The following BAALC variants were observed in gnomAD, a reference collection of about 807,000 sequenced individuals.
The protein encoded by BAALC is brain and acute leukemia cytoplasmic protein.
Under a neutral mutation model 15.5 loss-of-function variants are expected in BAALC, and 9 were observed. That is an observed-to-expected ratio of 0.58 (90% CI 0.35 to 1.02). BAALC has a LOEUF of 1.02. Ranked by LOEUF, BAALC falls within the 50% of genes least tolerant of loss-of-function variation. The probability of loss-of-function intolerance (pLI) is 0.02; values close to 1 mark genes in which losing one functional copy is unlikely to be tolerated. For missense variants in BAALC, 201 were observed against 192.4 expected (o/e 1.04, Z -0.27); for synonymous variants, 80 against 74.6 (o/e 1.07, Z -0.37).
At chr8:103,159,101 A>C (rs760264451) in intron 1 of BAALC, among the ~76,000 whole-genome samples, 30 of 152,208 alleles carry the variant, frequency 2.0e-4, no homozygotes, top group Non-Finnish European at 3.2e-4. Flanking sequence ...CTGTAAACTG[A>C]TAGAACAATA....
intron 1 of BAALC, among the ~76,000 whole-genome samples, chr8:103,189,042 G>T (rs753143123): frequency 1.3e-5 from 2 of 152,182 alleles, no homozygotes; most frequent in African/African-American, 4.8e-5. Flanking sequence ...AGGAAACAAG[G>T]ATAGTAGTGA....
intron 1 of BAALC, among the ~76,000 whole-genome samples, chr8:103,188,647 C>T (rs1052665064): frequency 7.2e-5 from 11 of 152,142 alleles, no homozygotes; most frequent in African/African-American, 2.2e-4. Flanking sequence ...AGGAATTCTG[C>T]GAGATAAAAT....
chr8:103,171,397 G>GAAAGGAGGAAGGAAGA (rs764947929), intron 1 of BAALC, among the ~76,000 whole-genome samples: 6 of 133,014 alleles, frequency 4.5e-5, no homozygotes, highest in Admixed American at 3.8e-4. Context: ...AGGAAGGAAG[G>GAAAGGAGGAAGGAAGA]AAGGAAAGAA....
At chr8:103,221,811 ACT>A (rs1322168383) in intron 2 of BAALC, among the ~76,000 whole-genome samples, 1 of 152,106 alleles carries the variant, frequency 6.6e-6, no homozygotes, top group Non-Finnish European at 1.5e-5. Context: ...AAAGAGTCAA[ACT>A]CTACAATATT....
At chr8:103,157,321 A>G (rs1243137375) in intron 1 of BAALC, among the ~76,000 whole-genome samples, 1 of 152,082 alleles carries the variant, frequency 6.6e-6, no homozygotes, top group African/African-American at 2.4e-5. Flanking sequence ...CAAGCTATAT[A>G]TATATATATT....
At chr8:103,210,884 G>A (rs1294566377) in intron 1 of BAALC, among the ~76,000 whole-genome samples, 1 of 152,144 alleles carries the variant, frequency 6.6e-6, no homozygotes, top group African/African-American at 2.4e-5. Context: ...ACTTGTAGAG[G>A]TAAATTTGAA....
chr8:103,216,931 GCATGCCCC>G (rs1199520289), intron 2 of BAALC, among the ~76,000 whole-genome samples: 1 of 152,172 alleles, frequency 6.6e-6, no homozygotes, highest in Non-Finnish European at 1.5e-5. Context: ...GCTAGGGAAA[GCATGCCCC>G]CATGCCGCAC....
chr8:103,142,319 A>T (rs964607503), intron 1 of BAALC, among the ~76,000 whole-genome samples: 15 of 152,208 alleles, frequency 9.9e-5, no homozygotes, highest in African/African-American at 3.1e-4. Context: ...AAAATTGAGG[A>T]CTGTCTGTGA....
At position 103,230,131 on chromosome 8, in the gene BAALC, C is replaced by G. The variant is rs1464481548; in HGVS notation, c.*2032C>G. On this transcript the variant is annotated 3_prime_UTR_variant, in exon 3 of 3. Transcript: ENST00000309982. ...TGCAGGGCACATGATCTGGCCCTCC[C>G]CAGAACAATCTGGATTTCACGGAGA... 6.6e-6 allele frequency: 1 copy of G among 152,140 alleles called. No individual in the cohort carries two copies. The highest frequency in any genetic ancestry group is 1.5e-5 in the Non-Finnish European group (1 of 68,024). The allele number at this position is 152,140 out of a possible 1,614,324, so 9.4% of individuals were successfully genotyped here. A position where few individuals can be genotyped will look rare whatever the true frequency, so the allele number is the denominator to read the frequency against.
intron 1 of BAALC, among the ~76,000 whole-genome samples, chr8:103,151,536 A>G (rs1810989413): frequency 1.3e-5 from 2 of 152,086 alleles, no homozygotes. Flanking sequence ...GCCAATCTCA[A>G]ACCTTGGGTC....
At chr8:103,200,463 C>T (rs1447934705) in intron 1 of BAALC, among the ~76,000 whole-genome samples, 1 of 152,112 alleles carries the variant, frequency 6.6e-6, no homozygotes, top group African/African-American at 2.4e-5. Flanking sequence ...GTACTAAGGT[C>T]AGAAAATGTC....
At chr8:103,227,195 G>GTA (rs1347103025) in intron 2 of BAALC, among the ~76,000 whole-genome samples, 2 of 152,124 alleles carry the variant, frequency 1.3e-5, no homozygotes, top group East Asian at 1.9e-4. Flanking sequence ...GTGTGTGTGT[G>GTA]TATTTGTGAT....
chr8:103,150,087 G>T (rs760829257), intron 1 of BAALC, among the ~76,000 whole-genome samples: 2 of 152,142 alleles, frequency 1.3e-5, no homozygotes, highest in Non-Finnish European at 2.9e-5. Flanking sequence ...GAAGGTGAAA[G>T]GCACATCTCA....
chr8:103,174,713 C>A lies in BAALC; in HGVS notation c.160+33656C>A, dbSNP rs150733115. On this transcript the variant is annotated intron_variant, in intron 1 of 2. Transcript: ENST00000309982. ...GGTTCGATAAGCTTGGGAAATGCTC[C>A]ATACCCTGAACTCCTCTTAGAGAGC... 3.3e-5 allele frequency among the ~76,000 whole-genome samples: 5 copies of A among 152,302 alleles called. No homozygotes were observed. In the East Asian group the frequency reaches 9.6e-4, roughly 29 times the overall value.
At chr8:103,164,618 C>T (rs989276939) in intron 1 of BAALC, among the ~76,000 whole-genome samples, 2 of 152,204 alleles carry the variant, frequency 1.3e-5, no homozygotes, top group African/African-American at 2.4e-5. Flanking sequence ...CCTACCAATA[C>T]CACACTATTG....
rs758994127 is a variant in BAALC at position 103,141,046 on chromosome 8, G to T, written c.149G>T (p.Gly50Val). 13 of 1,494,998 alleles carry T rather than the reference G, an allele frequency of 8.7e-6. No homozygotes were observed. The highest frequency in any genetic ancestry group is 2.0e-4 in the Middle Eastern group (1 of 4,896). The allele number at this position is 1,494,998 out of a possible 1,614,324, so 92.6% of individuals were successfully genotyped here. A position where few individuals can be genotyped will look rare whatever the true frequency, so the allele number is the denominator to read the frequency against. The change falls in exon 1 of 3, where the codon GGC becomes GTC. Residue 50 changes from glycine (G) to valine (V), a missense_variant. Gly to Val is a moderately radical substitution (Grantham distance 109). Transcript: ENST00000309982. ...CCGGACAGCGGCCCCGAAGCGGGCG[G>T]CCTGCACTCGGGTAAGTGGCCGGGC... ...AAPDSGPEAG[G>V]LHSGMLEDGL...
intron 1 of BAALC, among the ~76,000 whole-genome samples, chr8:103,179,744 T>C (rs1278378966): frequency 6.6e-6 from 1 of 152,278 alleles, no homozygotes; most frequent in Non-Finnish European, 1.5e-5. Context: ...AGCCAGGTGA[T>C]GGCTAACACG....
chr8:103,221,353 T>C (rs981315820), intron 2 of BAALC, among the ~76,000 whole-genome samples: 2 of 152,004 alleles, frequency 1.3e-5, no homozygotes, highest in African/African-American at 4.8e-5. Context: ...CAAGAGTCAA[T>C]GGTGATAAAA....
chr8:103,149,870 C>G (rs1810947644), intron 1 of BAALC, among the ~76,000 whole-genome samples: 1 of 152,140 alleles, frequency 6.6e-6, no homozygotes, highest in South Asian at 2.1e-4. Flanking sequence ...CTTACCTCCC[C>G]CTCAAGCCCC....
Sources: allele counts gnomAD v4.1 joint callset (sites outside exome capture counted in the v4.1 genomes callset), GRCh38; gene constraint gnomAD v4.1.1; transcripts MANE v1.5; gene names NCBI Gene and HGNC (gene_info 2026-07-23, HGNC 2026-07-21).